Variants in PAPOLG observed in about 807,000 individuals in gnomAD.
PAPOLG encodes poly(A) polymerase gamma, also known as PAP-gamma.
A neutral mutation model predicts 99.0 loss-of-function variants in PAPOLG; 40 were observed. The ratio of observed to expected loss-of-function variants is 0.40; its 90% CI spans 0.31 to 0.53. The LOEUF is 0.53. PAPOLG is among the 20% of genes least tolerant of loss of function. The pLI, the probability that PAPOLG is intolerant of heterozygous loss-of-function variation, is 0.41. For synonymous variants in PAPOLG, 310 were observed against 299.3 expected, an observed-to-expected ratio of 1.04 and a Z score of -0.37; for missense variants, 675 against 884.1, an observed-to-expected ratio of 0.76 and a Z score of 3.00.
intron 13 of PAPOLG, among the ~76,000 whole-genome samples, chr2:60,784,072 C>G (rs1017674483): frequency 6.6e-6 from 1 of 152,214 alleles, no homozygotes; most frequent in Admixed American, 6.5e-5. Flanking sequence ...CTCCCGGGTT[C>G]AAGCAATTCT....
chr2:60,763,422 T>C (rs1447113632), intron 3 of PAPOLG, among the ~76,000 whole-genome samples: 3 of 152,050 alleles, frequency 2.0e-5, no homozygotes, highest in African/African-American at 7.3e-5. Flanking sequence ...CCCCCCAGTA[T>C]TTTTTATCTG....
Position 60,787,024 on chromosome 2 carries a change from T to C in PAPOLG, c.1244T>C (p.Val415Ala), listed in dbSNP as rs1455943448. 1 of 1,612,512 alleles carries C rather than the reference T, an allele frequency of 6.2e-7. No individual in the cohort carries two copies. The highest frequency in any genetic ancestry group is 8.5e-7 in the Non-Finnish European group (1 of 1,178,826). ...ERNEFITLAH[V>A]NPQSFPGNKE... The stretch of plus-strand genomic sequence containing the variant: ...AATGAATTTATTACTCTTGCCCATG[T>C]GAATCCCCAGTCATTCCCAGGGAAT... Residue 415 changes from valine to alanine, a missense_variant, in exon 14 of 22, where the codon GTG (valine) becomes GCG (alanine). Physicochemically the swap from Val to Ala is moderately conservative, Grantham distance 64. This residue lies in a region of PAPOLG where 413 missense variants were observed against 460.5 expected (regional missense o/e 0.90). Coordinates refer to ENST00000238714, the MANE Select transcript of PAPOLG (RefSeq NM_022894.4).
intron 7 of PAPOLG, 77 bp from the exon 8 acceptor site, chr2:60,774,957 G>T: frequency 6.3e-7 from 1 of 1,590,116 alleles, no homozygotes; most frequent in Non-Finnish European, 8.5e-7. Context: ...GCATTCGAGA[G>T]TCTGGAAGTT....
At chr2:60,790,962 G>A (rs754197025) in intron 15 of PAPOLG, among the ~76,000 whole-genome samples, 2 of 152,024 alleles carry the variant, frequency 1.3e-5, no homozygotes, top group East Asian at 1.9e-4. Flanking sequence ...GGTGCCATGC[G>A]CTTCTAGTCC....
chr2:60,761,860 A>G (rs1220953785), intron 3 of PAPOLG, 53 bp downstream of exon 3: 5 of 1,257,410 alleles, frequency 4.0e-6, no homozygotes, highest in African/African-American at 1.5e-5. Context: ...TTGGCCATTC[A>G]TCCTGGCAAT....
At chr2:60,786,909 G>A in intron 13 of PAPOLG, 38 bp from the exon 14 acceptor site, 3 of 1,583,002 alleles carry the variant, frequency 1.9e-6, no homozygotes, top group Non-Finnish European at 2.6e-6. Flanking sequence ...CAAATTTAAA[G>A]TGGACATAAG....
intron 3 of PAPOLG, among the ~76,000 whole-genome samples, chr2:60,762,070 TA>T (rs1670535996): frequency 6.6e-6 from 1 of 152,202 alleles, no homozygotes; most frequent in African/African-American, 2.4e-5. Flanking sequence ...AGATTTTACT[TA>T]AAAATCACAT....
At chr2:60,784,381 C>A (rs1427702917) in intron 13 of PAPOLG, among the ~76,000 whole-genome samples, 4 of 152,218 alleles carry the variant, frequency 2.6e-5, no homozygotes, top group Admixed American at 6.5e-5. Flanking sequence ...TCAGATTAAG[C>A]TTCCGTCAAC....
Position 60,791,956 on chromosome 2 carries a change from A to G in PAPOLG, c.1518+74A>G, listed in dbSNP as rs1671548233. 2.0e-6 allele frequency: 3 copies of G among 1,537,532 alleles called. No individual in the cohort carries two copies. The South Asian group carries it at 3.6e-5, about 19-fold the overall frequency. On this transcript the variant is annotated intron_variant, in intron 16 of 21. Coordinates refer to ENST00000238714, the MANE Select transcript of PAPOLG (RefSeq NM_022894.4). ...ATCTGGGACCAAATTTGCATTCTAC[A>G]GCTCCCAAACCTATTGAGAAAAATA...
In PAPOLG at chr2:60,793,130, G is replaced by A. The variant is rs187509378; in HGVS notation, c.1680-497G>A. ...CAAGGTGGGAGAATAGCTTGAGCCC[G>A]GAAGGTTGAGGCTGCAGTGATCCAT... is the stretch of plus-strand genomic sequence containing the variant. On this transcript the variant is annotated intron_variant, in intron 17 of 21. Coordinates refer to ENST00000238714, the MANE Select transcript of PAPOLG (RefSeq NM_022894.4). Among the ~76,000 whole-genome samples, 55 of 150,468 alleles carry A rather than the reference G, an allele frequency of 3.7e-4. No individual in the cohort carries two copies. The East Asian group carries it at 5.3e-3, about 15-fold the overall frequency.
rs777610028 is a variant in PAPOLG, at chr2:60,782,037, T to C, written c.1027+32T>C. On this transcript the variant is annotated intron_variant, in intron 11 of 21. Coordinates refer to ENST00000238714, the MANE Select transcript of PAPOLG (RefSeq NM_022894.4). ...ATGTGGCCCTGTTGCCCTTTACATA[T>C]TCCCACAAGTTTTTGGTTAACAGTT... The C allele has an allele frequency of 2.5e-6, 4 of 1,601,942 alleles. No homozygotes were observed. In the South Asian group the frequency reaches 3.3e-5, roughly 13 times the overall value.
In PAPOLG at chr2:60,782,775, G is replaced by A. The variant is rs756964164; in HGVS notation, c.1112+5G>A. 2.6e-6 allele frequency: 4 copies of A among 1,538,342 alleles called. No homozygotes were observed. Among genetic ancestry groups the A allele is most frequent in the South Asian group, 2.5e-5 (2 of 78,614 alleles). ...GAATTTCTTTCAAAAGTATAGGTAC[G>A]TGAAATTTTGTATTTTGTATGTATG... is the stretch of plus-strand genomic sequence containing the variant. On this transcript the variant is annotated splice_donor_5th_base_variant and intron_variant, in intron 12 of 21. Transcript: ENST00000238714.
At chr2:60,786,475 T>G (rs937319623) in intron 13 of PAPOLG, among the ~76,000 whole-genome samples, 1 of 151,886 alleles carries the variant, frequency 6.6e-6, no homozygotes, top group South Asian at 2.1e-4. Flanking sequence ...AGGTGATCTG[T>G]GCACCTCAGT....
intron 8 of PAPOLG, among the ~76,000 whole-genome samples, chr2:60,776,241 T>C (rs1290217265): frequency 6.6e-6 from 1 of 152,092 alleles, no homozygotes; most frequent in African/African-American, 2.4e-5. Flanking sequence ...AAGGAATCTT[T>C]TTTTTTTCTG....
Position 60,794,112 on chromosome 2 carries a change from T to A in PAPOLG, c.1910T>A (p.Ile637Lys). 6.2e-7 allele frequency: 1 copy of A among 1,614,036 alleles called. No homozygotes were observed. ...GQPHLNGMSN[I>K]TKTVTPKRSH... is the part of the protein sequence containing the mutation. The stretch of plus-strand genomic sequence containing the variant: ...CCGCATCTGAATGGAATGTCAAATA[T>A]AACTAAGACTGTTACACCTAAGAGA... Residue 637 changes from isoleucine to lysine, a missense_variant, in exon 19 of 22, where the codon ATA (isoleucine) becomes AAA (lysine). This residue lies in a region of PAPOLG where 413 missense variants were observed against 460.5 expected (regional missense o/e 0.90). Coordinates refer to ENST00000238714, the MANE Select transcript of PAPOLG (RefSeq NM_022894.4).
Position 60,784,218 on chromosome 2 carries a change from G to T in PAPOLG, c.1166+1009G>T, listed in dbSNP as rs527443251. 1.1e-4 allele frequency among the ~76,000 whole-genome samples: 17 copies of T among 152,238 alleles called. No homozygotes were observed. The East Asian group carries it at 3.3e-3, about 29-fold the overall frequency. On this transcript the variant is annotated intron_variant, in intron 13 of 21. Transcript: ENST00000238714. ...GAACTCCTCACCTCGTGATCCACCC[G>T]CCTTGGCCTCCCAAAGTGCTGGAAT...
chr2:60,759,483 G>T (rs888128489), intron 1 of PAPOLG, among the ~76,000 whole-genome samples: 2 of 152,220 alleles, frequency 1.3e-5, no homozygotes, highest in Non-Finnish European at 2.9e-5. Context: ...AAGATTGCCA[G>T]TAGTATAAAG....
At chr2:60,775,450 A>T (rs1415228578) in intron 8 of PAPOLG, among the ~76,000 whole-genome samples, 1 of 152,246 alleles carries the variant, frequency 6.6e-6, no homozygotes, top group Non-Finnish European at 1.5e-5. Flanking sequence ...ACCAGCAAAG[A>T]GTCTGGTTTA....
At position 60,775,136 on chromosome 2, in the gene PAPOLG, A is replaced by G. The variant is rs764277402; in HGVS notation, c.694+13A>G. ...TTATGGGCAAAACGTAAGTATCCCTAGTCTTTTATGTTTGCATTATAAAAT... is the reference window on the plus strand; with the variant it reads ...TTATGGGCAAAACGTAAGTATCCCTGGTCTTTTATGTTTGCATTATAAAAT... On this transcript the variant is annotated intron_variant, in intron 8 of 21. Coordinates refer to ENST00000238714, the MANE Select transcript of PAPOLG (RefSeq NM_022894.4). 4 of 1,601,218 alleles carry G rather than the reference A, an allele frequency of 2.5e-6. No individual in the cohort carries two copies. Among genetic ancestry groups the G allele is most frequent in the South Asian group, 1.1e-5 (1 of 87,772 alleles).
Sources: gnomAD v4.1 joint callset for allele counts (sites outside exome capture counted in the v4.1 genomes callset) on GRCh38, gnomAD v4.1.1 for gene constraint, gnomAD v4.1.1 regional missense constraint, MANE v1.5 for transcripts, NCBI Gene and HGNC (gene_info 2026-07-23, HGNC 2026-07-21) for gene names.